The following HCN1 variants were observed in gnomAD, a reference collection of about 807,000 sequenced individuals.
HCN1 encodes the protein potassium/sodium hyperpolarization-activated cyclic nucleotide-gated channel 1.
HCN1 carries 13 observed loss-of-function variants against 78.9 expected under a neutral mutation model. That is an observed-to-expected ratio of 0.16 (90% confidence interval 0.11 to 0.26). HCN1 has a LOEUF of 0.26. HCN1 is among the 10% of genes least tolerant of loss of function. The probability of loss-of-function intolerance (pLI) is 1.00; values close to 1 mark genes in which losing one functional copy is unlikely to be tolerated. For missense variants in HCN1, 810 were observed against 1,154.3 expected (o/e 0.70, Z 4.32); for synonymous variants, 552 against 455.5 (o/e 1.21, Z -2.70).
chr5:45,617,605 G>A (rs967067995), intron 2 of HCN1, among the ~76,000 whole-genome samples: 7 of 152,198 alleles, frequency 4.6e-5, no homozygotes, highest in Admixed American at 3.9e-4. Context: ...AAAATGGTAT[G>A]GTGAACTCTA....
intron 3 of HCN1, among the ~76,000 whole-genome samples, chr5:45,459,670 A>T (rs1490014226): frequency 6.6e-6 from 1 of 152,164 alleles, no homozygotes; most frequent in Non-Finnish European, 1.5e-5. Context: ...TGTACTTTAT[A>T]GACATCCCAA....
chr5:45,363,229 C>A (rs956326104), intron 4 of HCN1, among the ~76,000 whole-genome samples: 3 of 148,942 alleles, frequency 2.0e-5, no homozygotes. Context: ...CGCGTCTTTC[C>A]TTGTAAGCTG....
chr5:45,525,913 C>T (rs888451138), intron 2 of HCN1, among the ~76,000 whole-genome samples: 1 of 151,828 alleles, frequency 6.6e-6, no homozygotes, highest in Non-Finnish European at 1.5e-5. Context: ...GGTGATAGAG[C>T]CCTCATAATG....
At chr5:45,458,112 T>A (rs937322811) in intron 3 of HCN1, among the ~76,000 whole-genome samples, 1 of 152,076 alleles carries the variant, frequency 6.6e-6, no homozygotes, top group Non-Finnish European at 1.5e-5. Flanking sequence ...AATATAAGAA[T>A]AGATATATTA....
At chr5:45,642,906 G>A (rs889599448) in intron 2 of HCN1, 1 of 152,020 alleles carries the variant, frequency 6.6e-6, no homozygotes, top group African/African-American at 2.4e-5. Flanking sequence ...AAATACCCAT[G>A]ATATATGATA....
At chr5:45,272,495 G>C (rs1744978544) in intron 6 of HCN1, among the ~76,000 whole-genome samples, 1 of 151,906 alleles carries the variant, frequency 6.6e-6, no homozygotes, top group South Asian at 2.1e-4. Flanking sequence ...ATCCCTTATA[G>C]TGCCTGCTAC....
intron 4 of HCN1, among the ~76,000 whole-genome samples, chr5:45,389,779 T>C (rs1748002922): frequency 6.6e-6 from 1 of 152,172 alleles, no homozygotes. Flanking sequence ...GTATTAATGA[T>C]TCCATCAGAA....
At chr5:45,325,272 G>A (rs1746213937) in intron 5 of HCN1, among the ~76,000 whole-genome samples, 1 of 151,592 alleles carries the variant, frequency 6.6e-6, no homozygotes, top group South Asian at 2.1e-4. Flanking sequence ...TAACTCTTTA[G>A]GGAATATAAC....
intron 2 of HCN1, among the ~76,000 whole-genome samples, chr5:45,580,334 T>C (rs1464043408): frequency 2.0e-5 from 3 of 151,886 alleles, no homozygotes; most frequent in Non-Finnish European, 2.9e-5. Context: ...ATCAGAGTGA[T>C]TCAAAGTGAG....
chr5:45,434,557 A>T (rs1740525406), intron 3 of HCN1, among the ~76,000 whole-genome samples: 2 of 152,256 alleles, frequency 1.3e-5, no homozygotes, highest in African/African-American at 4.8e-5. Context: ...TTTAGAATAA[A>T]TTAAATGAGA....
chr5:45,696,116 C>G lies in HCN1; in HGVS notation c.-23G>C, dbSNP rs1452316930. 6 of 1,313,038 alleles carry G rather than the reference C, an allele frequency of 4.6e-6. No individual in the cohort carries two copies. In the South Asian group the frequency reaches 9.4e-5, roughly 20 times the overall value. 81.3% of individuals were successfully genotyped at this position (1,313,038 alleles called of 1,614,324 possible). A position where few individuals can be genotyped will look rare whatever the true frequency, so the allele number is the denominator to read the frequency against. On this transcript the variant is annotated 5_prime_UTR_variant, in exon 1 of 8. Transcript: ENST00000303230. ...CATGCCCGGAGGACGCGGCCGGCGA[C>G]GGCGCGGGCTCCAGACTCGCCGGCC...
intron 5 of HCN1, among the ~76,000 whole-genome samples, chr5:45,339,608 T>C (rs987047297): frequency 1.3e-5 from 2 of 152,180 alleles, no homozygotes; most frequent in African/African-American, 2.4e-5. Context: ...GAAAGTTACA[T>C]TGTCAAATTT....
intron 5 of HCN1, among the ~76,000 whole-genome samples, chr5:45,326,817 A>G (rs1051467452): frequency 3.3e-5 from 5 of 151,682 alleles, no homozygotes; most frequent in South Asian, 2.1e-4. Flanking sequence ...ACACATGCAA[A>G]TGAAGTTTGA....
At chr5:45,263,740 C>G (rs1176052439) in intron 7 of HCN1, among the ~76,000 whole-genome samples, 5 of 152,028 alleles carry the variant, frequency 3.3e-5, no homozygotes, top group Non-Finnish European at 5.9e-5. Context: ...AGTTTAAAAG[C>G]AAATTTCCCC....
intron 2 of HCN1, among the ~76,000 whole-genome samples, chr5:45,501,894 T>A (rs1393403349): frequency 6.6e-6 from 1 of 152,204 alleles, no homozygotes; most frequent in African/African-American, 2.4e-5. Context: ...AGCGTTTTAT[T>A]AGACTCTTCT....
intron 6 of HCN1, among the ~76,000 whole-genome samples, chr5:45,290,748 C>A (rs1345587432): frequency 6.6e-6 from 1 of 151,874 alleles, no homozygotes; most frequent in Non-Finnish European, 1.5e-5. Context: ...ATAACATGAT[C>A]TTTTACAAGT....
chr5:45,693,340 T>C (rs911155301), intron 1 of HCN1, among the ~76,000 whole-genome samples: 4 of 152,140 alleles, frequency 2.6e-5, no homozygotes, highest in African/African-American at 7.2e-5. Flanking sequence ...AGAACACCAG[T>C]GTATATTGTA....
At chr5:45,583,422 CTTT>C in intron 2 of HCN1, among the ~76,000 whole-genome samples, 1 of 152,022 alleles carries the variant, frequency 6.6e-6, no homozygotes, top group Admixed American at 6.6e-5. Flanking sequence ...CTCTTTTCTT[CTTT>C]ATTAGTCTTG....
At chr5:45,606,327 A>G (rs1025607497) in intron 2 of HCN1, among the ~76,000 whole-genome samples, 16 of 152,036 alleles carry the variant, frequency 1.1e-4, no homozygotes, top group Admixed American at 3.9e-4. Context: ...ATATATATGT[A>G]TATCATGTCT....
Sources: allele counts gnomAD v4.1 joint callset (sites outside exome capture counted in the v4.1 genomes callset), GRCh38; gene constraint gnomAD v4.1.1; transcripts MANE v1.5; gene names NCBI Gene and HGNC (gene_info 2026-07-23, HGNC 2026-07-21).